MTA3: variants seen among roughly 807,000 people sequenced by gnomAD.
The protein encoded by MTA3 is metastasis associated 1 family member 3.
In MTA3, 34 loss-of-function variants were observed where a neutral mutation model predicts 83.5. The observed-to-expected ratio is 0.41, with a 90% CI of 0.31 to 0.54. The LOEUF (loss-of-function observed/expected upper bound fraction) is 0.54, where lower values mean the gene tolerates loss of function less well. Among genes scored for constraint, MTA3 ranks in the 20% least tolerant of loss-of-function variants. The pLI is 0.33. For synonymous variants in MTA3, 303 were observed against 252.7 expected (o/e 1.20, Z -1.89); for missense variants, 761 against 726.4 (o/e 1.05, Z -0.55).
At chr2:42,639,173 G>A (rs1223168741) in intron 4 of MTA3, among the ~76,000 whole-genome samples, 1 of 151,232 alleles carries the variant, frequency 6.6e-6, no homozygotes, top group African/African-American at 2.4e-5. Flanking sequence ...CGATTCTCCT[G>A]CCTCAGCCCC....
chr2:42,583,472 G>T (rs1679897077), intron 3 of MTA3, among the ~76,000 whole-genome samples: 1 of 152,144 alleles, frequency 6.6e-6, no homozygotes, highest in South Asian at 2.1e-4. Flanking sequence ...AGTCCTGAGT[G>T]TGGATGCCAC....
intron 4 of MTA3, among the ~76,000 whole-genome samples, chr2:42,627,725 A>ATTTTTTTTTTTTTTTTTT (rs869227831): frequency 9.7e-6 from 1 of 103,384 alleles, no homozygotes; most frequent in Non-Finnish European, 1.8e-5. Context: ...GCCTGGCTAA[A>ATTTTTTTTTTTTTTTTTT]TTTTTTTTTT....
intron 11 of MTA3, among the ~76,000 whole-genome samples, chr2:42,698,783 T>C (rs1052743841): frequency 6.6e-6 from 1 of 152,218 alleles, no homozygotes; most frequent in Non-Finnish European, 1.5e-5. Context: ...ATCTTTCATA[T>C]TGATCTTTTA....
rs920055285 is a variant in MTA3 at position 42,559,735 on chromosome 2, G to A, written c.-140-10702G>A. On this transcript the variant is annotated intron_variant, in intron 2 of 17. Transcript: ENST00000405592. ...CTCTACTAAACACAAAATTAGCCAG[G>A]CGTGGTAGCGCATGCCTGTAATCCC... Among the ~76,000 whole-genome samples the A allele has an allele frequency of 2.0e-5, 3 of 149,358 alleles. No homozygotes were observed. In the South Asian group the frequency reaches 6.4e-4, roughly 32 times the overall value.
chr2:42,513,432 G>T (rs1465983637), intron 2 of MTA3, among the ~76,000 whole-genome samples: 1 of 152,156 alleles, frequency 6.6e-6, no homozygotes, highest in Non-Finnish European at 1.5e-5. Flanking sequence ...CCACTAGGAG[G>T]TGCTGGGAAG....
At chr2:42,513,381 A>G (rs1228024461) in intron 2 of MTA3, among the ~76,000 whole-genome samples, 1 of 152,220 alleles carries the variant, frequency 6.6e-6, no homozygotes, top group Non-Finnish European at 1.5e-5. Context: ...TTTGACAAAT[A>G]TCCTTGGAAC....
At chr2:42,750,557 T>C (rs371767664) in intron 16 of MTA3, among the ~76,000 whole-genome samples, 17 of 152,220 alleles carry the variant, frequency 1.1e-4, no homozygotes, top group East Asian at 5.8e-4. Context: ...GGACGATAAA[T>C]GCCAGTTTCT....
At chr2:42,713,365 A>G (rs1362721609) in intron 14 of MTA3, among the ~76,000 whole-genome samples, 1 of 151,940 alleles carries the variant, frequency 6.6e-6, no homozygotes, top group Non-Finnish European at 1.5e-5. Flanking sequence ...AATGAGTATA[A>G]GCTTTTCTGA....
At chr2:42,536,735 T>G (rs1454843324) in intron 2 of MTA3, among the ~76,000 whole-genome samples, 1 of 151,484 alleles carries the variant, frequency 6.6e-6, no homozygotes, top group Non-Finnish European at 1.5e-5. Context: ...AGCAGGCGCC[T>G]GTAGTCCCAG....
Position 42,729,253 on chromosome 2 carries a change from C to T in MTA3, c.1759+6218C>T, listed in dbSNP as rs188403104. Among the ~76,000 whole-genome samples, 900 of 151,480 alleles carry T rather than the reference C, an allele frequency of 5.9e-3. 3 individuals carry two copies. The highest frequency in any genetic ancestry group is 9.6e-3 in the Non-Finnish European group (649 of 67,778). ...CTGGGACTACAGGCGCCCACCACCA[C>T]GCCCGGCTAATTTTTTGTATTTTTT... On this transcript the variant is annotated intron_variant, in intron 16 of 16. Transcript: ENST00000405094.
At chr2:42,539,524 A>G (rs778168684) in intron 2 of MTA3, among the ~76,000 whole-genome samples, 9 of 150,934 alleles carry the variant, frequency 6.0e-5, no homozygotes, top group Non-Finnish European at 1.3e-4. Context: ...GGGACCTACA[A>G]TTCAAGATGA....
intron 2 of MTA3, among the ~76,000 whole-genome samples, chr2:42,549,336 C>T (rs9677938): frequency 0.021 from 2,363 of 111,960 alleles, 71 homozygotes; most frequent in African/African-American, 0.078. Context: ...TATACGTATA[C>T]GTATACATTA....
chr2:42,655,553 T>C (rs1273072029), intron 6 of MTA3, among the ~76,000 whole-genome samples: 1 of 152,172 alleles, frequency 6.6e-6, no homozygotes, highest in African/African-American at 2.4e-5. Context: ...ATTTATTTGG[T>C]TTATATCATA....
At chr2:42,737,304 A>C (rs540787258) in intron 16 of MTA3, among the ~76,000 whole-genome samples, 88 of 152,308 alleles carry the variant, frequency 5.8e-4, no homozygotes, top group African/African-American at 1.9e-3. Flanking sequence ...TCAGGTTCCA[A>C]CTGCTGGGAT....
At chr2:42,713,359 A>ATT (rs34689717) in intron 14 of MTA3, among the ~76,000 whole-genome samples, 104,508 of 151,928 alleles carry the variant, frequency 0.69, 37,648 homozygotes, top group African/African-American at 0.91. Context: ...AAAGTTAATG[A>ATT]GTATAAGCTT....
chr2:42,612,707 A>G (rs896689000), intron 4 of MTA3, among the ~76,000 whole-genome samples: 1 of 152,094 alleles, frequency 6.6e-6, no homozygotes, highest in Non-Finnish European at 1.5e-5. Context: ...CTAAAAACAC[A>G]AAAATTAGCT....
intron 12 of MTA3, among the ~76,000 whole-genome samples, chr2:42,705,612 A>G (rs747627155): frequency 6.6e-6 from 1 of 152,176 alleles, no homozygotes; most frequent in African/African-American, 2.4e-5. Context: ...AGGCTGAGGC[A>G]GGAGAATAGC....
intron 2 of MTA3, among the ~76,000 whole-genome samples, chr2:42,547,429 G>C (rs1437789198): frequency 6.6e-6 from 1 of 152,272 alleles, no homozygotes; most frequent in Non-Finnish European, 1.5e-5. Context: ...CTGGGTTCAA[G>C]CGATTCTCGT....
At chr2:42,507,683 C>A (rs930806418) in intron 2 of MTA3, among the ~76,000 whole-genome samples, 1 of 150,676 alleles carries the variant, frequency 6.6e-6, no homozygotes, top group Non-Finnish European at 1.5e-5. Flanking sequence ...AATCCCAACA[C>A]TTCGGGAGAC....
Sources: gnomAD v4.1 joint callset for allele counts (sites outside exome capture counted in the v4.1 genomes callset) on GRCh38, gnomAD v4.1.1 for gene constraint, MANE v1.5 for transcripts, NCBI Gene and HGNC (gene_info 2026-07-23, HGNC 2026-07-21) for gene names.